TAFA5: variants seen among roughly 807,000 people sequenced by gnomAD.
The protein encoded by TAFA5 is TAFA chemokine like family member 5.
Under a neutral mutation model 15.3 loss-of-function variants are expected in TAFA5, and 6 were observed. The ratio of observed to expected loss-of-function variants is 0.39; its 90% confidence interval spans 0.21 to 0.77. The LOEUF is 0.77. Ranked by LOEUF, TAFA5 falls within the 30% of genes least tolerant of loss-of-function variation. The pLI is 0.41. For missense variants in TAFA5, 161 were observed against 193.1 expected, an observed-to-expected ratio of 0.83 and a Z score of 0.98; for synonymous variants, 103 against 80.7, an observed-to-expected ratio of 1.28 and a Z score of -1.48.
chr22:48,652,182 C>T (rs144790720), intron 2 of TAFA5, among the ~76,000 whole-genome samples: 58 of 152,344 alleles, frequency 3.8e-4, no homozygotes, highest in African/African-American at 1.3e-3. Context: ...ACTAGGGTGA[C>T]GGGAATTTTC....
rs114667488 is a variant in TAFA5 at position 48,604,920 on chromosome 22, G to A, written c.113-41677G>A. Among the ~76,000 whole-genome samples the A allele has an allele frequency of 3.9e-3, 595 of 152,136 alleles. 7 individuals are homozygous for A. The highest frequency in any genetic ancestry group is 0.013 in the African/African-American group (558 of 41,516). The stretch of plus-strand genomic sequence containing the variant: ...GGAGGAGGAGATGGATATTACAGTA[G>A]TAATGGTGGTGTGGGAGATGATGAT... On this transcript the variant is annotated intron_variant, in intron 1 of 3. Coordinates refer to ENST00000402357, the MANE Select transcript of TAFA5 (RefSeq NM_001082967.3).
intron 1 of TAFA5, among the ~76,000 whole-genome samples, chr22:48,516,279 A>G (rs1921403029): frequency 6.6e-6 from 1 of 152,000 alleles, no homozygotes; most frequent in Non-Finnish European, 1.5e-5. Context: ...GGAATTTTTT[A>G]ACTACATATT....
At chr22:48,588,665 G>A (rs768227957) in intron 1 of TAFA5, among the ~76,000 whole-genome samples, 41 of 152,190 alleles carry the variant, frequency 2.7e-4, no homozygotes, top group African/African-American at 5.8e-4. Flanking sequence ...ATGGGGGCAC[G>A]ATTCGGTGCC....
chr22:48,559,782 G>A (rs912046295), intron 1 of TAFA5, among the ~76,000 whole-genome samples: 1 of 152,166 alleles, frequency 6.6e-6, no homozygotes, highest in African/African-American at 2.4e-5. Flanking sequence ...GGGGAGCAGA[G>A]GGGACAAACC....
At chr22:48,583,377 C>T (rs1204469813) in intron 1 of TAFA5, among the ~76,000 whole-genome samples, 1 of 149,182 alleles carries the variant, frequency 6.7e-6, no homozygotes, top group Admixed American at 6.7e-5. Flanking sequence ...TACCACACAC[C>T]ACATACAAAA....
chr22:48,555,013 G>A (rs575629375), intron 1 of TAFA5, among the ~76,000 whole-genome samples: 14 of 152,318 alleles, frequency 9.2e-5, no homozygotes, highest in African/African-American at 2.6e-4. Flanking sequence ...TGAGATCTCC[G>A]ATGGTGGAGA....
chr22:48,699,621 G>A (rs573574645), intron 2 of TAFA5, among the ~76,000 whole-genome samples: 1 of 152,114 alleles, frequency 6.6e-6, no homozygotes, highest in Non-Finnish European at 1.5e-5. Flanking sequence ...TTGTCATCAC[G>A]CCTTATATTT....
Position 48,550,264 on chromosome 22 carries a change from C to T in TAFA5, c.112+60560C>T, listed in dbSNP as rs1269966394. On this transcript the variant is annotated intron_variant, in intron 1 of 3. Coordinates refer to ENST00000402357, the MANE Select transcript of TAFA5 (RefSeq NM_001082967.3). The surrounding 1 kb of genome is among the most constrained non-coding windows in gnomAD (Gnocchi z 4.1). ...GGCCTGGGCAGATGGCGCATCTGGC[C>T]GGGATAAGGTGTAGGCCTGGGAGAA... Among the ~76,000 whole-genome samples the T allele has an allele frequency of 2.6e-5, 4 of 152,172 alleles. No homozygotes were observed. The highest frequency in any genetic ancestry group is 6.5e-5 in the Admixed American group (1 of 15,288).
At chr22:48,573,363 T>C (rs1923652626) in intron 1 of TAFA5, among the ~76,000 whole-genome samples, 2 of 152,196 alleles carry the variant, frequency 1.3e-5, no homozygotes, top group Admixed American at 1.3e-4. Context: ...AACACAGTAA[T>C]GGTTTCAGTA....
rs546254604 is a variant in TAFA5, at chr22:48,536,448, G to A, written c.112+46744G>A. Among the ~76,000 whole-genome samples, 190 of 152,360 alleles carry A rather than the reference G, an allele frequency of 1.2e-3. 1 individual carries two copies. Among genetic ancestry groups the A allele is most frequent in the Middle Eastern group, 0.01 (3 of 294 alleles). On this transcript the variant is annotated intron_variant, in intron 1 of 3. Coordinates refer to ENST00000402357, the MANE Select transcript of TAFA5 (RefSeq NM_001082967.3). ...GCGTGTCAGCACCGGGAGCCGGCGC[G>A]GGTGGGTAACGAGCGCGCACCGCCC...
intron 3 of TAFA5, among the ~76,000 whole-genome samples, chr22:48,711,574 A>G (rs980444462): frequency 6.6e-6 from 1 of 152,038 alleles, no homozygotes; most frequent in Non-Finnish European, 1.5e-5. Flanking sequence ...GGAAGCTACA[A>G]TCCCAGTTGT....
intron 3 of TAFA5, among the ~76,000 whole-genome samples, chr22:48,724,594 C>T (rs929886942): frequency 2.0e-5 from 3 of 152,218 alleles, no homozygotes; most frequent in Admixed American, 6.5e-5. Flanking sequence ...GTCAATAACA[C>T]CATGACCTAA....
rs1315111117 is a variant in TAFA5 at position 48,560,213 on chromosome 22, G to A, written c.112+70509G>A. Among the ~76,000 whole-genome samples the A allele has an allele frequency of 6.6e-6, 1 of 152,222 alleles. No individual in the cohort carries two copies. The highest frequency in any genetic ancestry group is 2.4e-5 in the African/African-American group (1 of 41,444). On this transcript the variant is annotated intron_variant, in intron 1 of 3. Coordinates refer to ENST00000402357, the MANE Select transcript of TAFA5 (RefSeq NM_001082967.3). This position sits in a 1 kb window ranked among gnomAD's most constrained non-coding sequence, Gnocchi z 4.2. Reference sequence around the variant, plus strand: ...AACGGGAGCCTGTCAGTTTCTGGGCGGGGGTGTGATGTGGCTGAGGCGTCT... The same window carrying A: ...AACGGGAGCCTGTCAGTTTCTGGGCAGGGGTGTGATGTGGCTGAGGCGTCT...
chr22:48,551,899 A>G (rs1249734874), intron 1 of TAFA5, among the ~76,000 whole-genome samples: 1 of 152,094 alleles, frequency 6.6e-6, no homozygotes, highest in East Asian at 1.9e-4. Context: ...TTGGTAACAG[A>G]GGTGTGAGAT....
At chr22:48,726,090 C>A (rs5771619) in intron 3 of TAFA5, among the ~76,000 whole-genome samples, 32 of 152,200 alleles carry the variant, frequency 2.1e-4, no homozygotes, top group Admixed American at 5.2e-4. Flanking sequence ...AAGCTGTCCC[C>A]TGAACTCAGT....
intron 1 of TAFA5, chr22:48,545,752 T>C (rs1384539888): frequency 1.3e-5 from 2 of 152,538 alleles, no homozygotes; most frequent in East Asian, 3.9e-4. Context: ...AGTTACCTAG[T>C]GCCCCAAGGA....
intron 2 of TAFA5, among the ~76,000 whole-genome samples, chr22:48,690,733 C>T (rs2147237684): frequency 6.6e-6 from 1 of 152,322 alleles, no homozygotes; most frequent in East Asian, 1.9e-4. Context: ...CTGTGTCCCT[C>T]AAGCTGGACG....
intron 1 of TAFA5, among the ~76,000 whole-genome samples, chr22:48,518,569 A>C (rs973285865): frequency 2.8e-4 from 43 of 152,170 alleles, no homozygotes; most frequent in African/African-American, 1.0e-3. Context: ...AAGAACCCAC[A>C]GTTCTCACGG....
chr22:48,602,022 G>T (rs545829075), intron 1 of TAFA5, among the ~76,000 whole-genome samples: 1 of 152,302 alleles, frequency 6.6e-6, no homozygotes, highest in South Asian at 2.1e-4. Context: ...GCACGCTGGT[G>T]GGTTAAGCCC....
Sources: gnomAD v4.1 joint callset for allele counts (sites outside exome capture counted in the v4.1 genomes callset) on GRCh38, gnomAD v4.1.1 for gene constraint, Gnocchi (gnomAD v3.1) non-coding constraint, MANE v1.5 for transcripts, NCBI Gene and HGNC (gene_info 2026-07-23, HGNC 2026-07-21) for gene names.